Variants in MYH11 observed in about 807,000 individuals in gnomAD.
The protein encoded by MYH11 is myosin-11.
In MYH11, 80 loss-of-function variants were observed where a neutral mutation model predicts 246.6. The ratio of observed to expected loss-of-function variants is 0.32; its 90% confidence interval spans 0.27 to 0.39. The LOEUF (loss-of-function observed/expected upper bound fraction) is 0.39. Ranked by LOEUF, MYH11 falls within the 10% of genes least tolerant of loss-of-function variation. The probability of loss-of-function intolerance (pLI) is 1.00; values close to 1 mark genes in which losing one functional copy is unlikely to be tolerated. For synonymous variants in MYH11, 1,071 were observed against 1,015.5 expected (o/e 1.05, Z -1.04); for missense variants, 2,158 against 2,546.8 (o/e 0.85, Z 3.29).
chr16:15,776,891 G>A (rs1569300), intron 7 of MYH11, among the ~76,000 whole-genome samples: 28,865 of 152,068 alleles, frequency 0.19, 2,849 homozygotes, highest in East Asian at 0.29. Context: ...GGTGATGGGA[G>A]AGGGCAGCTG....
At chr16:15,749,808 A>C (rs1044902234) in intron 16 of MYH11, 4 of 461,318 alleles carry the variant, frequency 8.7e-6, no homozygotes, top group Non-Finnish European at 1.6e-5. Flanking sequence ...AGATTATGAG[A>C]AACCCACAGG....
intron 9 of MYH11, among the ~76,000 whole-genome samples, chr16:15,770,345 G>A (rs775797030): frequency 8.5e-5 from 13 of 152,164 alleles, no homozygotes; most frequent in African/African-American, 1.7e-4. Context: ...GGGCGTAGGC[G>A]TGGGAAGGAA....
chr16:15,722,520 G>A (rs75885182), intron 31 of MYH11, among the ~76,000 whole-genome samples: 3,069 of 152,256 alleles, frequency 0.02, 134 homozygotes, highest in East Asian at 0.18. Context: ...CCCACACTAT[G>A]TGTGCCACTG....
intron 10 of MYH11, 55 bp downstream of exon 10, chr16:15,763,741 T>TGGGGGCCCCCCCCCCCCCCCCC: frequency 4.6e-6 from 3 of 646,854 alleles, no homozygotes; most frequent in East Asian, 6.3e-5. Flanking sequence ...AAATGTCACC[T>TGGGGGCCCCCCCCCCCCCCCCC]CCCCCACCCC....
intron 1 of MYH11, among the ~76,000 whole-genome samples, chr16:15,856,272 G>A (rs34889972): frequency 7.0e-6 from 1 of 143,856 alleles, no homozygotes; most frequent in Non-Finnish European, 1.5e-5. Context: ...TAACAAACTA[G>A]ATCACAACCA....
rs2039303851 is a variant in MYH11, at chr16:15,703,690, G to T, written c.*301C>A. 2.2e-6 allele frequency: 1 copy of T among 457,108 alleles called. No homozygotes were observed. The highest frequency in any genetic ancestry group is 3.4e-5 in the Admixed American group (1 of 29,382). The allele number at this position is 457,108 out of a possible 1,614,324, so 28.3% of individuals were successfully genotyped here. A position where few individuals can be genotyped will look rare whatever the true frequency, so the allele number is the denominator to read the frequency against. ...TGCAGCCTCGAAGTCCTGGGCTGGA[G>T]CGTTCTTCCTGGCTCAGCCTCCCTA... is the stretch of plus-strand genomic sequence containing the variant. On this transcript the variant is annotated 3_prime_UTR_variant, in exon 41 of 41. Transcript: ENST00000300036.
chr16:15,746,863 G>A (rs1188662359), intron 19 of MYH11, among the ~76,000 whole-genome samples: 1 of 152,182 alleles, frequency 6.6e-6, no homozygotes, highest in Non-Finnish European at 1.5e-5. Flanking sequence ...CAAGGCAGGT[G>A]GATCACTTGA....
intron 23 of MYH11, 31 bp downstream of exon 23, chr16:15,740,020 G>T (rs529231390): frequency 2.9e-5 from 46 of 1,611,982 alleles, no homozygotes; most frequent in Admixed American, 1.0e-4. Context: ...CGGATTATAG[G>T]CGTGAGCCAC....
At chr16:15,808,874 A>T (rs2043074825) in intron 3 of MYH11, among the ~76,000 whole-genome samples, 1 of 152,058 alleles carries the variant, frequency 6.6e-6, no homozygotes, top group Non-Finnish European at 1.5e-5. Flanking sequence ...GCTTGGGTGA[A>T]AGAGTGAAAC....
chr16:15,826,073 GT>G (rs2043556365), intron 2 of MYH11, among the ~76,000 whole-genome samples: 1 of 152,138 alleles, frequency 6.6e-6, no homozygotes, highest in African/African-American at 2.4e-5. Flanking sequence ...CCGCCCCCAG[GT>G]ATGAGCATGG....
Position 15,757,888 on chromosome 16 carries a change from T to G in MYH11, c.1514A>C (p.Glu505Ala). The G allele has an allele frequency of 1.2e-6, 2 of 1,614,134 alleles. No homozygotes were observed. Among genetic ancestry groups the G allele is most frequent in the Non-Finnish European group, 1.7e-6 (2 of 1,180,006 alleles). ...EQEEYQREGI[E>A]WNFIDFGLDL... ...CAGCCCAAAGTCGATGAAGTTCCAC[T>G]CGATGCCCTCGCGCTGGTACTCCTC... Residue 505 changes from glutamate to alanine, a missense_variant, in exon 13 of 41, where the codon GAG becomes GCG. Physicochemically the swap from Glu to Ala is moderately radical, Grantham distance 107 (BLOSUM62 -1). Transcript: ENST00000300036.
chr16:15,708,432 G>A (rs1197801435), intron 40 of MYH11, among the ~76,000 whole-genome samples: 1 of 152,204 alleles, frequency 6.6e-6, no homozygotes, highest in African/African-American at 2.4e-5. Context: ...GGACAAGGGA[G>A]GACAGCACTG....
chr16:15,739,811 A>G (rs879806776), intron 23 of MYH11, among the ~76,000 whole-genome samples: 8 of 151,272 alleles, frequency 5.3e-5, no homozygotes, highest in Non-Finnish European at 1.0e-4. Flanking sequence ...GCACGATCTC[A>G]GCTCACTGCA....
At chr16:15,819,622 A>G (rs989886844) in intron 3 of MYH11, among the ~76,000 whole-genome samples, 6 of 152,182 alleles carry the variant, frequency 3.9e-5, no homozygotes, top group Non-Finnish European at 7.3e-5. Flanking sequence ...TAGTTGCAGG[A>G]AAACAAGCTC....
rs1408650656 is a variant in MYH11, at chr16:15,740,623, A to AT, written c.2860-436_2860-435insA. ...GAGACTCTGTCTCAAAAAAAAAAAA[A>AT]AAATAAAGACCTGGGTAAGCTGCTC... On this transcript the variant is annotated intron_variant, in intron 22 of 40. Transcript: ENST00000300036. 1.5e-3 allele frequency among the ~76,000 whole-genome samples: 221 copies of AT among 151,886 alleles called. 1 individual carries two copies. Among genetic ancestry groups the AT allele is most frequent in the South Asian group, 2.5e-3 (12 of 4,800 alleles).
chr16:15,767,580 C>T (rs1408762996), intron 9 of MYH11, among the ~76,000 whole-genome samples: 1 of 152,082 alleles, frequency 6.6e-6, no homozygotes, highest in African/African-American at 2.4e-5. Flanking sequence ...CCTCTGCCTC[C>T]CTGAGAGCTG....
chr16:15,741,696 G>A lies in MYH11; in HGVS notation c.2653-27C>T, dbSNP rs780965369. On this transcript the variant is annotated intron_variant, in intron 21 of 40. Transcript: ENST00000300036. Reference sequence around the variant, plus strand: ...TGCACGCAGGTGGTGGGGAGGAGGCGGGTGAGCCCCACGGGGCCAAGTCCT... The same window carrying A: ...TGCACGCAGGTGGTGGGGAGGAGGCAGGTGAGCCCCACGGGGCCAAGTCCT... 44 of 1,613,962 alleles carry A rather than the reference G, an allele frequency of 2.7e-5. No homozygotes were observed. The South Asian group carries it at 3.8e-4, about 14-fold the overall frequency.
At chr16:15,742,307 A>G in intron 20 of MYH11, 1 of 258,192 alleles carries the variant, frequency 3.9e-6, no homozygotes, top group South Asian at 5.2e-5. Context: ...GGGAGAAAAA[A>G]AATCTTTCAT....
chr16:15,719,121 C>G, intron 36 of MYH11, 99 bp downstream of exon 36: 1 of 1,219,578 alleles, frequency 8.2e-7, no homozygotes, highest in Non-Finnish European at 1.2e-6. Flanking sequence ...GAATGAAACT[C>G]TGTCTCGAAA....
Sources: gnomAD v4.1 joint callset for allele counts (sites outside exome capture counted in the v4.1 genomes callset) on GRCh38, gnomAD v4.1.1 for gene constraint, MANE v1.5 for transcripts, NCBI Gene and HGNC (gene_info 2026-07-23, HGNC 2026-07-21) for gene names.